CSMD1: variants seen among roughly 807,000 people sequenced by gnomAD.
The protein encoded by CSMD1 is CUB and sushi domain-containing protein 1.
CSMD1 carries 213 observed loss-of-function variants against 417.5 expected under a neutral mutation model. The ratio of observed to expected loss-of-function variants is 0.51; its 90% CI spans 0.46 to 0.57. CSMD1 has a LOEUF of 0.57. CSMD1 is among the 20% of genes least tolerant of loss of function. The pLI, the probability that CSMD1 is intolerant of heterozygous loss-of-function variation, is 0.00. For missense variants in CSMD1, 6,923 were observed against 4,529.7 expected (o/e 1.53, Z -15.17); for synonymous variants, 2,862 against 1,736.8 (o/e 1.65, Z -16.11).
chr8:3,062,859 A>C (rs1005263577), intron 49 of CSMD1, among the ~76,000 whole-genome samples: 1 of 152,196 alleles, frequency 6.6e-6, no homozygotes, highest in African/African-American at 2.4e-5. Flanking sequence ...CAAGTAACTG[A>C]CTTTTACCCA....
At chr8:4,004,688 G>C (rs1231011492) in intron 4 of CSMD1, among the ~76,000 whole-genome samples, 3 of 151,958 alleles carry the variant, frequency 2.0e-5, no homozygotes, top group East Asian at 3.9e-4. Context: ...GATTCAGCTG[G>C]TTAGGTTACA....
At chr8:3,078,732 G>C (rs780451413) in intron 49 of CSMD1, among the ~76,000 whole-genome samples, 15 of 152,174 alleles carry the variant, frequency 9.9e-5, no homozygotes, top group Non-Finnish European at 4.4e-5. Context: ...GCCAGTGTCT[G>C]ATTTCAGCTA....
chr8:3,910,949 G>A (rs372561607), intron 5 of CSMD1, among the ~76,000 whole-genome samples: 3 of 152,196 alleles, frequency 2.0e-5, no homozygotes, highest in African/African-American at 7.2e-5. Context: ...ATCACGACCA[G>A]GAACGCTTTC....
At chr8:4,456,091 TACGTACTGC>T (rs1799463325) in intron 2 of CSMD1, among the ~76,000 whole-genome samples, 1 of 141,870 alleles carries the variant, frequency 7.0e-6, no homozygotes, top group South Asian at 2.2e-4. Context: ...AATGTGAAAG[TACGTACTGC>T]ACACTTAAAA....
At chr8:4,342,001 A>G (rs1017611748) in intron 3 of CSMD1, among the ~76,000 whole-genome samples, 1 of 152,134 alleles carries the variant, frequency 6.6e-6, no homozygotes, top group Non-Finnish European at 1.5e-5. Flanking sequence ...TCCACCATGC[A>G]GTCATTTTAA....
intron 2 of CSMD1, among the ~76,000 whole-genome samples, chr8:4,554,321 G>A (rs1797998515): frequency 6.6e-6 from 1 of 151,992 alleles, no homozygotes; most frequent in Non-Finnish European, 1.5e-5. Context: ...ATTTTCAGTA[G>A]AGACAGGGTT....
chr8:3,127,321 G>A (rs1317553083), intron 41 of CSMD1: 1 of 152,190 alleles, frequency 6.6e-6, no homozygotes, highest in African/African-American at 2.4e-5. Context: ...CCCTTGCCCT[G>A]TTCCCCTAAT....
intron 5 of CSMD1, among the ~76,000 whole-genome samples, chr8:3,915,135 G>T (rs1808727746): frequency 6.6e-6 from 1 of 152,108 alleles, no homozygotes; most frequent in African/African-American, 2.4e-5. Context: ...GTTGGGAGTA[G>T]TAGTTCACGC....
chr8:3,241,166 ATTTAG>A (rs1443532585), intron 26 of CSMD1, among the ~76,000 whole-genome samples: 4 of 151,838 alleles, frequency 2.6e-5, no homozygotes, highest in African/African-American at 7.2e-5. Context: ...GAAGCAGATA[ATTTAG>A]TTAAAGTGTC....
At chr8:4,778,050 G>A (rs28665194) in intron 1 of CSMD1, among the ~76,000 whole-genome samples, 1 of 152,052 alleles carries the variant, frequency 6.6e-6, no homozygotes, top group Non-Finnish European at 1.5e-5. Flanking sequence ...TTAAAATTCA[G>A]ACACATAAAC....
At chr8:4,312,940 A>T (rs577301737) in intron 3 of CSMD1, among the ~76,000 whole-genome samples, 1 of 152,330 alleles carries the variant, frequency 6.6e-6, no homozygotes, top group African/African-American at 2.4e-5. Context: ...ATAATTTGGA[A>T]GCCCAGAGGA....
chr8:3,295,525 G>A (rs1364591451), intron 25 of CSMD1, among the ~76,000 whole-genome samples: 1 of 152,132 alleles, frequency 6.6e-6, no homozygotes, highest in East Asian at 1.9e-4. Context: ...TATTTTCGTA[G>A]TTCCTTACTA....
chr8:4,298,182 T>G (rs567852952), intron 3 of CSMD1, among the ~76,000 whole-genome samples: 3 of 152,036 alleles, frequency 2.0e-5, no homozygotes, highest in Non-Finnish European at 4.4e-5. Flanking sequence ...TTTTGAGGAA[T>G]CTGCCTTAGT....
chr8:3,545,872 T>C (rs181635996), intron 10 of CSMD1, among the ~76,000 whole-genome samples: 119 of 152,330 alleles, frequency 7.8e-4, no homozygotes, highest in African/African-American at 2.8e-3. Context: ...AAGCAGTTGG[T>C]GCAAACTTAG....
At chr8:4,230,745 T>C (rs556328904) in intron 3 of CSMD1, among the ~76,000 whole-genome samples, 1 of 152,288 alleles carries the variant, frequency 6.6e-6, no homozygotes, top group African/African-American at 2.4e-5. Context: ...TTACAAGCTA[T>C]TGAAATAAAT....
intron 3 of CSMD1, among the ~76,000 whole-genome samples, chr8:4,358,204 G>C (rs568843505): frequency 2.6e-5 from 4 of 152,134 alleles, no homozygotes; most frequent in Non-Finnish European, 5.9e-5. Flanking sequence ...GTCTTCTGGG[G>C]TGTTATAATT....
chr8:4,158,491 G>T (rs956142678), intron 3 of CSMD1, among the ~76,000 whole-genome samples: 2 of 151,948 alleles, frequency 1.3e-5, no homozygotes, highest in African/African-American at 4.8e-5. Context: ...CATCAGTATG[G>T]CAAAAGGATA....
intron 3 of CSMD1, among the ~76,000 whole-genome samples, chr8:4,050,170 G>A (rs1045031125): frequency 6.6e-6 from 1 of 152,058 alleles, no homozygotes; most frequent in Non-Finnish European, 1.5e-5. Context: ...ATCATCAGTG[G>A]GACTTCCACT....
chr8:4,043,383 A>T (rs1402677846), intron 3 of CSMD1, among the ~76,000 whole-genome samples: 1 of 152,244 alleles, frequency 6.6e-6, no homozygotes, highest in African/African-American at 2.4e-5. Context: ...AAATACAGCC[A>T]CACCAATAAA....
Sources: gnomAD v4.1 joint callset for allele counts (sites outside exome capture counted in the v4.1 genomes callset) on GRCh38, gnomAD v4.1.1 for gene constraint, MANE v1.5 for transcripts, NCBI Gene and HGNC (gene_info 2026-07-23, HGNC 2026-07-21) for gene names.